The following DNAAF11 variants were observed in gnomAD, a reference collection of about 807,000 sequenced individuals.
DNAAF11 encodes leucine rich repeat containing 6.
DNAAF11 carries 45 observed loss-of-function variants against 60.8 expected under a neutral mutation model. The ratio of observed to expected loss-of-function variants is 0.74; its 90% CI spans 0.58 to 0.95. The LOEUF is 0.95. Ranked by LOEUF, DNAAF11 falls within the 40% of genes least tolerant of loss-of-function variation. DNAAF11 has a pLI of 0.00. For synonymous variants in DNAAF11, 191 were observed against 183.5 expected (o/e 1.04, Z -0.33); for missense variants, 546 against 546.2 (o/e 1.00, Z 0.00).
chr8:132,601,921 T>G (rs945888808), intron 10 of DNAAF11, among the ~76,000 whole-genome samples: 5 of 152,026 alleles, frequency 3.3e-5, no homozygotes, highest in African/African-American at 1.2e-4. Context: ...TAAAGTATAA[T>G]AATAATAATA....
chr8:132,606,337 C>T (rs528407001), intron 10 of DNAAF11, among the ~76,000 whole-genome samples: 1 of 151,910 alleles, frequency 6.6e-6, no homozygotes, highest in African/African-American at 2.4e-5. Context: ...TAATGTTGTC[C>T]CTGAAGACCT....
At chr8:132,589,025 T>C (rs187026775) in intron 10 of DNAAF11, among the ~76,000 whole-genome samples, 4 of 152,242 alleles carry the variant, frequency 2.6e-5, no homozygotes, top group East Asian at 1.9e-4. Flanking sequence ...ATCTCCAGCA[T>C]TGGGCATTAC....
intron 3 of DNAAF11, among the ~76,000 whole-genome samples, chr8:132,647,922 T>C (rs990329757): frequency 6.6e-6 from 1 of 152,088 alleles, no homozygotes; most frequent in Non-Finnish European, 1.5e-5. Context: ...CCGAATTCTA[T>C]CAGAGGTACA....
intron 11 of DNAAF11, among the ~76,000 whole-genome samples, chr8:132,580,543 A>G (rs2130989819): frequency 6.6e-6 from 1 of 152,336 alleles, no homozygotes; most frequent in Admixed American, 6.5e-5. Context: ...ATTTGAGGTA[A>G]TGTGTACTTT....
chr8:132,655,477 A>G (rs1213021910), intron 3 of DNAAF11, among the ~76,000 whole-genome samples: 6 of 152,182 alleles, frequency 3.9e-5, no homozygotes, highest in African/African-American at 1.4e-4. Flanking sequence ...AGACAAAACT[A>G]AGAACAACTG....
intron 5 of DNAAF11, among the ~76,000 whole-genome samples, chr8:132,627,233 G>A (rs1820366763): frequency 6.6e-6 from 1 of 151,826 alleles, no homozygotes; most frequent in Admixed American, 6.6e-5. Flanking sequence ...TATTTTTCCT[G>A]GAAAGTGACT....
At chr8:132,665,606 G>C (rs940700959) in intron 1 of DNAAF11, among the ~76,000 whole-genome samples, 1 of 152,102 alleles carries the variant, frequency 6.6e-6, no homozygotes. Context: ...AATAGACGTT[G>C]GCAAGGATGC....
intron 5 of DNAAF11, 59 bp from the exon 6 acceptor site, chr8:132,625,513 A>T: frequency 7.9e-7 from 1 of 1,268,570 alleles, no homozygotes; most frequent in Non-Finnish European, 1.1e-6. Context: ...TTCATCCTTA[A>T]TGCTGGCCCT....
chr8:132,666,807 A>C (rs890048174), intron 1 of DNAAF11, among the ~76,000 whole-genome samples: 1 of 152,200 alleles, frequency 6.6e-6, no homozygotes, highest in African/African-American at 2.4e-5. Context: ...GGCAGGAAAG[A>C]AGCACAGTGT....
chr8:132,648,799 A>G, intron 3 of DNAAF11, among the ~76,000 whole-genome samples: 1 of 152,160 alleles, frequency 6.6e-6, no homozygotes, highest in Non-Finnish European at 1.5e-5. Context: ...AATCCAACTT[A>G]CAAGGGATGT....
At chr8:132,654,781 C>T (rs1432877039) in intron 3 of DNAAF11, among the ~76,000 whole-genome samples, 4 of 150,448 alleles carry the variant, frequency 2.7e-5, no homozygotes, top group African/African-American at 7.3e-5. Flanking sequence ...AAAAGTAATG[C>T]TCATAGGAAA....
the DNAAF11 span, among the ~76,000 whole-genome samples, chr8:132,692,781 A>G: frequency 6.6e-6 from 1 of 152,176 alleles, no homozygotes; most frequent in South Asian, 2.1e-4. Flanking sequence ...AAGGGCAAGC[A>G]TTACTCATTC....
chr8:132,697,973 T>C, the DNAAF11 span, among the ~76,000 whole-genome samples: 3 of 152,148 alleles, frequency 2.0e-5, no homozygotes, highest in African/African-American at 7.2e-5. Flanking sequence ...TGTATGTATT[T>C]ATAACTTGTC....
intron 1 of DNAAF11, among the ~76,000 whole-genome samples, chr8:132,672,570 C>T (rs1035880472): frequency 6.6e-6 from 1 of 152,172 alleles, no homozygotes; most frequent in African/African-American, 2.4e-5. Flanking sequence ...CGCTGCTTAA[C>T]CTCTTTGTGC....
chr8:132,599,199 A>T (rs1416181444), intron 10 of DNAAF11, among the ~76,000 whole-genome samples: 1 of 152,180 alleles, frequency 6.6e-6, no homozygotes, highest in Non-Finnish European at 1.5e-5. Flanking sequence ...TCCTGGACAT[A>T]TACACCACCC....
At chr8:132,634,091 A>C (rs1413101379) in intron 4 of DNAAF11, among the ~76,000 whole-genome samples, 1 of 152,218 alleles carries the variant, frequency 6.6e-6, no homozygotes, top group Non-Finnish European at 1.5e-5. Context: ...AAATTAAAAA[A>C]TTATTAGAAT....
intron 10 of DNAAF11, among the ~76,000 whole-genome samples, chr8:132,593,587 A>G (rs927944601): frequency 1.3e-5 from 2 of 151,586 alleles, no homozygotes; most frequent in African/African-American, 4.8e-5. Context: ...CTAAATTTAT[A>G]TATAAATACA....
chr8:132,574,603 TTAGCCTTTTGCTGATTTTGCCTCCTA>T (rs1348880173), intron 11 of DNAAF11, among the ~76,000 whole-genome samples: 2 of 152,282 alleles, frequency 1.3e-5, no homozygotes, highest in Admixed American at 6.5e-5. Flanking sequence ...TTTTCTGGAC[TTAGCCTTTTGCTGATTTTGCCTCCTA>T]TTCTTTTGCT....
the DNAAF11 span, among the ~76,000 whole-genome samples, chr8:132,693,097 G>A: frequency 2.6e-5 from 4 of 152,176 alleles, no homozygotes; most frequent in African/African-American, 9.7e-5. Flanking sequence ...AATGCAGGTG[G>A]CTGCAGCAGC....
Sources: allele counts gnomAD v4.1 joint callset (sites outside exome capture counted in the v4.1 genomes callset), GRCh38; gene constraint gnomAD v4.1.1; transcripts MANE v1.5; gene names NCBI Gene and HGNC (gene_info 2026-07-23, HGNC 2026-07-21).